The following FH variants were observed in gnomAD, a reference collection of about 807,000 sequenced individuals.
The protein encoded by FH is fumarate hydratase, also known as fumarate hydratase, mitochondrial.
FH carries 22 observed loss-of-function variants against 49.4 expected under a neutral mutation model. The ratio of observed to expected loss-of-function variants is 0.45; its 90% CI spans 0.32 to 0.64. FH has a LOEUF of 0.64. FH is among the 30% of genes least tolerant of loss of function. The probability of loss-of-function intolerance (pLI) is 0.05; values close to 1 mark genes in which losing one functional copy is unlikely to be tolerated. For synonymous variants in FH, 208 were observed against 223.0 expected (o/e 0.93, Z 0.60); for missense variants, 526 against 641.5 (o/e 0.82, Z 1.95).
At position 241,517,372 on chromosome 1, in the gene FH, T is replaced by C. The variant is rs138154633; in HGVS notation, c.133-56A>G. On this transcript the variant is annotated intron_variant, in intron 1 of 9. Coordinates refer to ENST00000366560, the MANE Select transcript of FH (RefSeq NM_000143.4). ...TTGAAAAGAAACCCAGGATCAAAAGTAATCGCATCTTATCAGCTGTTAAAG... is the reference window on the plus strand; with the variant it reads ...TTGAAAAGAAACCCAGGATCAAAAGCAATCGCATCTTATCAGCTGTTAAAG... The C allele has an allele frequency of 5.9e-4, 935 of 1,588,544 alleles. 3 individuals are homozygous for C. In the African/African-American group the frequency reaches 9.4e-3, roughly 16 times the overall value.
rs942065027 is a variant in FH, at chr1:241,519,619, G to C, written c.104C>G (p.Ser35Trp). 1.9e-6 allele frequency: 3 copies of C among 1,547,688 alleles called. No individual in the cohort carries two copies. Among genetic ancestry groups the C allele is most frequent in the African/African-American group, 1.4e-5 (1 of 72,934 alleles). ...TCGAGCCGCGTTCGGAGGCCAAAAC[G>C]AGGGCACGGCCGCGCCACCCAAGCC... ...APGLGGAAVP[S>W]FWPPNAARMA... Residue 35 changes from serine (S) to tryptophan (W), a missense_variant, in exon 1 of 10, where the codon TCG becomes TGG. Ser to Trp is a radical substitution (Grantham distance 177). Coordinates refer to ENST00000366560, the MANE Select transcript of FH (RefSeq NM_000143.4).
chr1:241,501,935 A>G (rs1659792141), intron 8 of FH, among the ~76,000 whole-genome samples: 1 of 152,246 alleles, frequency 6.6e-6, no homozygotes, highest in Non-Finnish European at 1.5e-5. Flanking sequence ...GCAGAAGAAG[A>G]ACTGGTGAAA....
intron 1 of FH, among the ~76,000 whole-genome samples, chr1:241,518,165 G>C (rs553901321): frequency 6.6e-6 from 1 of 152,288 alleles, no homozygotes; most frequent in Non-Finnish European, 1.5e-5. Context: ...TTAGCAACAG[G>C]AAGAACTTTT....
At chr1:241,514,961 T>C (rs1268309660) in intron 2 of FH, among the ~76,000 whole-genome samples, 4 of 152,162 alleles carry the variant, frequency 2.6e-5, no homozygotes, top group African/African-American at 9.7e-5. Flanking sequence ...ATGGAGTGAA[T>C]GACCCCCAGT....
At chr1:241,509,054 TTATG>T (rs1295327431) in intron 4 of FH, among the ~76,000 whole-genome samples, 3 of 148,778 alleles carry the variant, frequency 2.0e-5, no homozygotes, top group Non-Finnish European at 4.5e-5. Flanking sequence ...TTATATTATA[TTATG>T]TATTATATAA....
Position 241,510,452 on chromosome 1 carries a change from T to C in FH, c.555+1515A>G, listed in dbSNP as rs548550655. Among the ~76,000 whole-genome samples, 5 of 152,056 alleles carry C rather than the reference T, an allele frequency of 3.3e-5. No homozygotes were observed. The East Asian group carries it at 7.7e-4, about 23-fold the overall frequency. On this transcript the variant is annotated intron_variant, in intron 4 of 9. Coordinates refer to ENST00000366560, the MANE Select transcript of FH (RefSeq NM_000143.4). ...AAGTATGGGATCATAACCTGAAGAA[T>C]AAAATAAATAACCATCAGTCCATAC...
chr1:241,516,693 G>C (rs1330701555), intron 2 of FH, among the ~76,000 whole-genome samples: 1 of 150,206 alleles, frequency 6.7e-6, no homozygotes, highest in Non-Finnish European at 1.5e-5. Flanking sequence ...TCACTCTGTC[G>C]CCAGGCTGGA....
chr1:241,506,207 C>G (rs769328191), intron 5 of FH, 39 bp from the exon 6 acceptor site: 2 of 1,471,350 alleles, frequency 1.4e-6, no homozygotes, highest in Admixed American at 3.6e-5. Flanking sequence ...ATAAGTAATT[C>G]CTAATAGCTT....
intron 8 of FH, 46 bp from the exon 9 acceptor site, chr1:241,500,636 A>AGAGAGG: frequency 1.2e-6 from 2 of 1,606,406 alleles, no homozygotes. Context: ...AGAGAGAGAG[A>AGAGAGG]GAGACATTAC....
At chr1:241,500,966 A>G (rs1448872884) in intron 8 of FH, among the ~76,000 whole-genome samples, 2 of 152,194 alleles carry the variant, frequency 1.3e-5, no homozygotes, top group Non-Finnish European at 2.9e-5. Flanking sequence ...ACTTGGCCAG[A>G]GAAGGAAAAA....
chr1:241,499,040 G>A (rs1659700049), intron 9 of FH, among the ~76,000 whole-genome samples: 1 of 151,902 alleles, frequency 6.6e-6, no homozygotes. Flanking sequence ...GAAATGCTTT[G>A]AGAAAGAATT....
chr1:241,512,730 T>C (rs1660118938), intron 3 of FH, among the ~76,000 whole-genome samples: 1 of 152,222 alleles, frequency 6.6e-6, no homozygotes, highest in African/African-American at 2.4e-5. Context: ...TTGAGAAATC[T>C]ATTACCTTGA....
intron 9 of FH, 147 bp downstream of exon 9, chr1:241,500,290 A>T: frequency 1.3e-6 from 1 of 771,326 alleles, no homozygotes; most frequent in South Asian, 1.6e-5. Flanking sequence ...GTACCTTTCC[A>T]CACAATTTCA....
At chr1:241,514,887 T>C (rs1660177191) in intron 2 of FH, among the ~76,000 whole-genome samples, 1 of 152,106 alleles carries the variant, frequency 6.6e-6, no homozygotes, top group Non-Finnish European at 1.5e-5. Context: ...TAACAAACAC[T>C]GAGGTAGTGG....
chr1:241,510,953 A>G (rs1178548774), intron 4 of FH, among the ~76,000 whole-genome samples: 3 of 152,180 alleles, frequency 2.0e-5, no homozygotes, highest in Non-Finnish European at 2.9e-5. Context: ...ATATGATGCA[A>G]TGAGAAGGGC....
chr1:241,516,167 G>A (rs142413006), intron 2 of FH, among the ~76,000 whole-genome samples: 133 of 152,250 alleles, frequency 8.7e-4, no homozygotes, highest in African/African-American at 3.1e-3. Context: ...GTAAAAATCT[G>A]TAAATACCCA....
rs1659922270 is a variant in FH at position 241,506,086 on chromosome 1, G to C, written c.821C>G (p.Ala274Gly). Residue 274 changes from alanine (A) to glycine (G), a missense_variant, in exon 6 of 10, where the codon GCT becomes GGT. This residue lies in a region of FH where 383 missense variants were observed against 514.0 expected (regional missense o/e 0.75). Transcript: ENST00000366560. ...AAMPRIYELAAGGTAVGTGLN... is the reference protein window; with the variant it reads ...AAMPRIYELAGGGTAVGTGLN... The stretch of plus-strand genomic sequence containing the variant: ...ACCTGTACCAACAGCAGTGCCTCCA[G>C]CTGCGAGCTCATAGATTCTTGGCAT... 1 of 1,613,822 alleles carries C rather than the reference G, an allele frequency of 6.2e-7. No homozygotes were observed. Among genetic ancestry groups the C allele is most frequent in the African/African-American group, 1.3e-5 (1 of 74,902 alleles).
intron 6 of FH, among the ~76,000 whole-genome samples, chr1:241,504,506 A>G (rs1478918746): frequency 6.6e-6 from 1 of 151,996 alleles, no homozygotes; most frequent in Non-Finnish European, 1.5e-5. Flanking sequence ...GTGTGGCTCA[A>G]TCACAGCTCA....
chr1:241,509,497 G>A (rs1304936871), intron 4 of FH, among the ~76,000 whole-genome samples: 1 of 152,088 alleles, frequency 6.6e-6, no homozygotes, highest in Non-Finnish European at 1.5e-5. Context: ...TATCAAGCTG[G>A]GTGCAGTGGC....
Sources: allele counts gnomAD v4.1 joint callset (sites outside exome capture counted in the v4.1 genomes callset), GRCh38; gene constraint gnomAD v4.1.1; regional missense constraint gnomAD v4.1.1; transcripts MANE v1.5; gene names NCBI Gene and HGNC (gene_info 2026-07-23, HGNC 2026-07-21).